Variants in DAPK1 observed in about 807,000 individuals in gnomAD.
The protein encoded by DAPK1 is death associated protein kinase 1, also known as death-associated protein kinase 1.
In DAPK1, 56 loss-of-function variants were observed where a neutral mutation model predicts 144.9. The observed-to-expected ratio is 0.39, with a 90% confidence interval of 0.31 to 0.48. The LOEUF is 0.48. Among genes scored for constraint, DAPK1 ranks in the 20% least tolerant of loss-of-function variants. The probability of loss-of-function intolerance (pLI) is 0.95; values close to 1 mark genes in which losing one functional copy is unlikely to be tolerated. For synonymous variants in DAPK1, 690 were observed against 749.0 expected (o/e 0.92, Z 1.29); for missense variants, 1,454 against 1,875.4 (o/e 0.78, Z 4.15).
chr9:87,698,649 C>T lies in DAPK1; in HGVS notation c.2612-7C>T. The T allele has an allele frequency of 1.3e-6, 2 of 1,595,176 alleles. No individual in the cohort carries two copies. Among genetic ancestry groups the T allele is most frequent in the Admixed American group, 1.7e-5 (1 of 59,882 alleles). On this transcript the variant is annotated splice_region_variant and splice_polypyrimidine_tract_variant and intron_variant, in intron 22 of 25. Transcript: ENST00000408954. ...ACCCCCTGAAGCAGTTCCCTCTCTGCCCCCAGCCTTCGGTGGCAAGCTGAA... is the reference window on the plus strand; with the variant it reads ...ACCCCCTGAAGCAGTTCCCTCTCTGTCCCCAGCCTTCGGTGGCAAGCTGAA...
intron 21 of DAPK1, among the ~76,000 whole-genome samples, chr9:87,692,990 T>G (rs939306762): frequency 6.5e-5 from 8 of 122,578 alleles, no homozygotes; most frequent in African/African-American, 1.8e-4. Flanking sequence ...TTTTTTTTTT[T>G]TCTGTTTTCA....
At chr9:87,678,211 G>A (rs777304380) in intron 19 of DAPK1, among the ~76,000 whole-genome samples, 41 of 152,280 alleles carry the variant, frequency 2.7e-4, no homozygotes, top group South Asian at 2.1e-3. Flanking sequence ...CTTGTGTCAC[G>A]CTCCCTTGTA....
rs1458145321 is a variant in DAPK1, at chr9:87,535,971, G to A, written c.62+36832G>A. On this transcript the variant is annotated intron_variant, in intron 2 of 25. Coordinates refer to ENST00000408954, the MANE Select transcript of DAPK1 (RefSeq NM_004938.4). ...CACAGCAGACTGTTACCTTGGTAGT[G>A]AGAAACAAAATGATACTTGATTTTT... is the stretch of plus-strand genomic sequence containing the variant. Among the ~76,000 whole-genome samples the A allele has an allele frequency of 2.0e-5, 3 of 152,210 alleles. No individual in the cohort carries two copies. In the East Asian group the frequency reaches 5.8e-4, roughly 29 times the overall value.
chr9:87,651,632 A>T lies in DAPK1; in HGVS notation c.1732A>T (p.Asn578Tyr). 1 of 1,614,208 alleles carries T rather than the reference A, an allele frequency of 6.2e-7. No homozygotes were observed. The highest frequency in any genetic ancestry group is 8.5e-7 in the Non-Finnish European group (1 of 1,180,030). The change falls in exon 17 of 26, where the codon AAT (asparagine) becomes TAT (tyrosine). Residue 578 changes from asparagine to tyrosine, a missense_variant. Coordinates refer to ENST00000408954, the MANE Select transcript of DAPK1 (RefSeq NM_004938.4). The stretch of plus-strand genomic sequence containing the variant: ...CGTCGATTATCAAGACAGGCACGGC[A>T]ATACTCCCCTCCATGTGGCATGTAA... ...CFVDYQDRHG[N>Y]TPLHVACKDG...
intron 2 of DAPK1, among the ~76,000 whole-genome samples, chr9:87,567,170 G>A (rs760179374): frequency 6.6e-6 from 1 of 152,176 alleles, no homozygotes; most frequent in Non-Finnish European, 1.5e-5. Context: ...GGAACCTGGT[G>A]GACTTTAGAA....
At chr9:87,680,174 C>T (rs1451361065) in intron 19 of DAPK1, among the ~76,000 whole-genome samples, 2 of 151,954 alleles carry the variant, frequency 1.3e-5, no homozygotes, top group Non-Finnish European at 2.9e-5. Context: ...GCGTGATCTC[C>T]GCTCACTGCA....
intron 2 of DAPK1, among the ~76,000 whole-genome samples, chr9:87,601,753 C>T (rs1828526425): frequency 6.6e-6 from 1 of 152,164 alleles, no homozygotes; most frequent in South Asian, 2.1e-4. Flanking sequence ...ATTATGCCCA[C>T]TCTACAGATA....
At chr9:87,598,382 C>T (rs1564015006) in intron 2 of DAPK1, among the ~76,000 whole-genome samples, 2 of 152,154 alleles carry the variant, frequency 1.3e-5, no homozygotes, top group South Asian at 2.1e-4. Context: ...GAGAATTCAT[C>T]GTAATACTAG....
At chr9:87,499,190 G>T (rs1587659701) in intron 2 of DAPK1, 51 bp downstream of exon 2, 1 of 1,476,548 alleles carries the variant, frequency 6.8e-7, no homozygotes, top group East Asian at 2.3e-5. Flanking sequence ...AATGCATAAC[G>T]ATGGGGCCAT....
At chr9:87,597,893 T>G (rs1276455004) in intron 2 of DAPK1, among the ~76,000 whole-genome samples, 1 of 152,174 alleles carries the variant, frequency 6.6e-6, no homozygotes, top group African/African-American at 2.4e-5. Flanking sequence ...TGACTCACGC[T>G]CAGCCTTCAG....
intron 2 of DAPK1, among the ~76,000 whole-genome samples, chr9:87,515,944 G>A (rs759234556): frequency 1.3e-5 from 2 of 152,066 alleles, no homozygotes; most frequent in Non-Finnish European, 2.9e-5. Flanking sequence ...AGTGGTCAGC[G>A]GGTGCCCTTG....
chr9:87,671,601 G>A (rs562056721), intron 19 of DAPK1, among the ~76,000 whole-genome samples: 13 of 151,772 alleles, frequency 8.6e-5, no homozygotes, highest in Admixed American at 2.0e-4. Context: ...CCTGGGCTCC[G>A]GTGATCCTCT....
At chr9:87,599,504 T>C (rs1828437264) in intron 2 of DAPK1, among the ~76,000 whole-genome samples, 1 of 152,196 alleles carries the variant, frequency 6.6e-6, no homozygotes, top group Admixed American at 6.5e-5. Flanking sequence ...ATAAAATTGG[T>C]GATTACATTT....
chr9:87,671,113 G>A (rs945216669), intron 19 of DAPK1, among the ~76,000 whole-genome samples: 1 of 152,148 alleles, frequency 6.6e-6, no homozygotes, highest in Non-Finnish European at 1.5e-5. Context: ...CTCTGTCCCC[G>A]TTATCTGCAG....
chr9:87,645,764 A>C (rs964129764), intron 11 of DAPK1, 131 bp from the exon 12 acceptor site: 1 of 1,176,066 alleles, frequency 8.5e-7, no homozygotes, highest in Admixed American at 2.3e-5. Context: ...GACTGTATGG[A>C]TTTGGGGAGT....
At chr9:87,556,156 G>A (rs1173906100) in intron 2 of DAPK1, among the ~76,000 whole-genome samples, 1 of 152,214 alleles carries the variant, frequency 6.6e-6, no homozygotes, top group Non-Finnish European at 1.5e-5. Context: ...AGGACATTTT[G>A]GGTGGACATG....
intron 2 of DAPK1, among the ~76,000 whole-genome samples, chr9:87,503,741 G>A (rs775065894): frequency 7.2e-5 from 11 of 152,250 alleles, no homozygotes; most frequent in East Asian, 5.8e-4. Context: ...AATGGCTGCC[G>A]CTCATCAAAA....
At chr9:87,579,391 T>C (rs955617218) in intron 2 of DAPK1, among the ~76,000 whole-genome samples, 6 of 152,194 alleles carry the variant, frequency 3.9e-5, no homozygotes, top group Admixed American at 1.3e-4. Flanking sequence ...TCATTTAACA[T>C]CTTGCAGTCA....
At chr9:87,561,702 G>A (rs76796844) in intron 2 of DAPK1, among the ~76,000 whole-genome samples, 17,782 of 152,126 alleles carry the variant, frequency 0.12, 1,334 homozygotes, top group Admixed American at 0.16. Context: ...ATTGCATTTG[G>A]GTGCTAGAAA....
Sources: allele counts gnomAD v4.1 joint callset (sites outside exome capture counted in the v4.1 genomes callset), GRCh38; gene constraint gnomAD v4.1.1; transcripts MANE v1.5; gene names NCBI Gene and HGNC (gene_info 2026-07-23, HGNC 2026-07-21).